The following RANBP2 variants were observed in gnomAD, a reference collection of about 807,000 sequenced individuals.
RANBP2 encodes E3 SUMO-protein ligase RanBP2.
Under a neutral mutation model 303.6 loss-of-function variants are expected in RANBP2, and 57 were observed. That is an observed-to-expected ratio of 0.19 (90% CI 0.15 to 0.23). RANBP2 has a LOEUF of 0.23. Among genes scored for constraint, RANBP2 ranks in the 10% least tolerant of loss-of-function variants. The pLI, the probability that RANBP2 is intolerant of heterozygous loss-of-function variation, is 1.00. For missense variants in RANBP2, 3,138 were observed against 3,780.8 expected (o/e 0.83, Z 4.46); for synonymous variants, 1,167 against 1,301.5 (o/e 0.90, Z 2.23).
chr2:109,456,472 G>A, the RANBP2 span, among the ~76,000 whole-genome samples: 2 of 152,340 alleles, frequency 1.3e-5, no homozygotes, highest in South Asian at 4.1e-4. Flanking sequence ...TGACAGGAGT[G>A]GCAACCTTTC....
chr2:109,432,695 TGGGCAAGGAGA>T, the RANBP2 span: 1 of 1,601,848 alleles, frequency 6.2e-7, no homozygotes, highest in African/African-American at 1.3e-5. Flanking sequence ...GGTGGCAGCC[TGGGCAAGGAGA>T]GGGCAAGGGC....
At chr2:109,719,815 G>A in the RANBP2 span, among the ~76,000 whole-genome samples, 2 of 152,112 alleles carry the variant, frequency 1.3e-5, no homozygotes, top group Non-Finnish European at 2.9e-5. Flanking sequence ...CATAAGCATC[G>A]ACCAAGATGA....
At chr2:109,614,317 C>T in the RANBP2 span, 36 of 623,568 alleles carry the variant, frequency 5.8e-5, no homozygotes, top group Non-Finnish European at 7.4e-5. Flanking sequence ...GGGGGCGTGT[C>T]CGCCCGGGCG....
chr2:109,387,202 G>C, the RANBP2 span, among the ~76,000 whole-genome samples: 2 of 152,110 alleles, frequency 1.3e-5, no homozygotes, highest in African/African-American at 2.4e-5. Flanking sequence ...CAGTATTTCT[G>C]CCTGGCTTTT....
chr2:109,371,249 G>T, the RANBP2 span, among the ~76,000 whole-genome samples: 5 of 152,366 alleles, frequency 3.3e-5, no homozygotes, highest in East Asian at 9.6e-4. Context: ...AATTAGCTGG[G>T]TGTGGTGGCA....
At chr2:109,404,946 G>A in the RANBP2 span, among the ~76,000 whole-genome samples, 20 of 151,962 alleles carry the variant, frequency 1.3e-4, no homozygotes, top group African/African-American at 4.8e-4. Flanking sequence ...TCTTTCCAGT[G>A]GAGCCCCGTC....
At chr2:109,506,860 T>C in the RANBP2 span, among the ~76,000 whole-genome samples, 1 of 152,154 alleles carries the variant, frequency 6.6e-6, no homozygotes, top group African/African-American at 2.4e-5. Context: ...GTTTCAAAGA[T>C]GGGGAAACCG....
intron 2 of RANBP2, among the ~76,000 whole-genome samples, chr2:108,729,739 A>G (rs1257886861): frequency 1.4e-5 from 2 of 144,646 alleles, no homozygotes; most frequent in Non-Finnish European, 3.0e-5. Context: ...TTTTTTAGGC[A>G]GTATCTGTCT....
At chr2:109,005,467 C>T in the RANBP2 span, among the ~76,000 whole-genome samples, 1 of 152,180 alleles carries the variant, frequency 6.6e-6, no homozygotes, top group Non-Finnish European at 1.5e-5. Context: ...CTTTGACCTC[C>T]CATCCTTCTG....
At chr2:108,815,495 C>CTT in the RANBP2 span, among the ~76,000 whole-genome samples, 201 of 90,656 alleles carry the variant, frequency 2.2e-3, 1 homozygote, top group African/African-American at 8.1e-3. Flanking sequence ...GAGATGGAGT[C>CTT]TTGCTCTTTT....
chr2:108,805,074 A>G, the RANBP2 span: 1 of 901,400 alleles, frequency 1.1e-6, no homozygotes, highest in Non-Finnish European at 1.5e-6. Flanking sequence ...TATATAACAA[A>G]TTAAAGTCAG....
chr2:109,375,862 C>T, the RANBP2 span, among the ~76,000 whole-genome samples: 1 of 152,232 alleles, frequency 6.6e-6, no homozygotes, highest in Non-Finnish European at 1.5e-5. Context: ...ATGAGCAGCC[C>T]ATGGGCAGTT....
chr2:109,199,582 T>TCAACA, the RANBP2 span, among the ~76,000 whole-genome samples: 1 of 474 alleles, frequency 2.1e-3, no homozygotes, highest in African/African-American at 6.4e-3. Flanking sequence ...TGGAATGGAA[T>TCAACA]GGAATGGAAT....
At chr2:108,955,627 G>T in the RANBP2 span, among the ~76,000 whole-genome samples, 2 of 152,084 alleles carry the variant, frequency 1.3e-5, no homozygotes, top group African/African-American at 4.8e-5. Flanking sequence ...ACAATCTTGA[G>T]CCCAGGAGGC....
chr2:109,190,254 A>C, the RANBP2 span, among the ~76,000 whole-genome samples: 1 of 152,098 alleles, frequency 6.6e-6, no homozygotes, highest in Non-Finnish European at 1.5e-5. Context: ...GCCCACTGCA[A>C]CCTCCGCCTC....
chr2:109,611,981 A>T, the RANBP2 span, among the ~76,000 whole-genome samples: 1 of 152,186 alleles, frequency 6.6e-6, no homozygotes, highest in African/African-American at 2.4e-5. Flanking sequence ...ATTCCTGGGC[A>T]TCTATCCCAA....
chr2:109,652,561 G>C, the RANBP2 span, among the ~76,000 whole-genome samples: 2 of 152,006 alleles, frequency 1.3e-5, no homozygotes, highest in African/African-American at 4.8e-5. Context: ...CTGACCAAGG[G>C]ACCCCTACAC....
At chr2:109,183,343 T>G in the RANBP2 span, among the ~76,000 whole-genome samples, 1 of 152,028 alleles carries the variant, frequency 6.6e-6, no homozygotes. Flanking sequence ...CTTTGCAAGG[T>G]GAGAGTCTAC....
the RANBP2 span, among the ~76,000 whole-genome samples, chr2:109,467,498 A>G: frequency 4.6e-5 from 7 of 152,336 alleles, no homozygotes; most frequent in Non-Finnish European, 8.8e-5. Flanking sequence ...GAAGGACAGC[A>G]GGACTGGGGG....
Sources: allele counts gnomAD v4.1 joint callset (sites outside exome capture counted in the v4.1 genomes callset), GRCh38; gene constraint gnomAD v4.1.1; transcripts MANE v1.5; gene names NCBI Gene and HGNC (gene_info 2026-07-23, HGNC 2026-07-21).